Variants in ATP10B observed in about 807,000 individuals in gnomAD.
ATP10B encodes phospholipid-transporting ATPase VB.
In ATP10B, 122 loss-of-function variants were observed where a neutral mutation model predicts 141.2. The ratio of observed to expected loss-of-function variants is 0.86; its 90% CI spans 0.75 to 1.00. The LOEUF is 1.00. ATP10B is among the 50% of genes least tolerant of loss of function. The probability of loss-of-function intolerance (pLI) is 0.00; values close to 1 mark genes in which losing one functional copy is unlikely to be tolerated. For missense variants in ATP10B, 1,876 were observed against 1,825.3 expected, an observed-to-expected ratio of 1.03 and a Z score of -0.51; for synonymous variants, 685 against 692.0, an observed-to-expected ratio of 0.99 and a Z score of 0.16.
chr5:160,749,725 A>G (rs546499887), intron 2 of ATP10B, among the ~76,000 whole-genome samples: 1 of 152,326 alleles, frequency 6.6e-6, no homozygotes, highest in East Asian at 1.9e-4. Flanking sequence ...GCTGTGGACC[A>G]CTAGAAGATG....
At chr5:160,709,138 T>TGC (rs1765201357) in intron 3 of ATP10B, among the ~76,000 whole-genome samples, 1 of 152,308 alleles carries the variant, frequency 6.6e-6, no homozygotes, top group East Asian at 1.9e-4. Context: ...ATTAAAGACC[T>TGC]GCCTCATTGA....
intron 1 of ATP10B, among the ~76,000 whole-genome samples, chr5:160,817,370 G>C (rs1183334089): frequency 2.0e-5 from 3 of 152,092 alleles, no homozygotes; most frequent in Middle Eastern, 3.2e-3. Context: ...GACAAACAGA[G>C]AGCCAAATCA....
intron 23 of ATP10B, among the ~76,000 whole-genome samples, chr5:160,590,633 A>G (rs1756227276): frequency 6.6e-6 from 1 of 152,206 alleles, no homozygotes; most frequent in Non-Finnish European, 1.5e-5. Flanking sequence ...CTTGACCTTC[A>G]AAGCACAAGT....
the ATP10B span, among the ~76,000 whole-genome samples, chr5:160,869,537 T>C: frequency 6.6e-6 from 1 of 152,160 alleles, no homozygotes; most frequent in East Asian, 1.9e-4. Flanking sequence ...CCTGCACTTC[T>C]GGCTTCCAAT....
chr5:160,728,952 G>T (rs530963527), intron 2 of ATP10B, among the ~76,000 whole-genome samples: 1 of 152,308 alleles, frequency 6.6e-6, no homozygotes, highest in Non-Finnish European at 1.5e-5. Flanking sequence ...GCCTGGGAAT[G>T]GTGGTTTGTT....
intron 1 of ATP10B, among the ~76,000 whole-genome samples, chr5:160,809,177 G>C (rs1006147345): frequency 3.9e-5 from 6 of 152,158 alleles, no homozygotes; most frequent in African/African-American, 1.4e-4. Context: ...ATAGGCACTA[G>C]TTGTTCTCTG....
intron 2 of ATP10B, among the ~76,000 whole-genome samples, chr5:160,782,687 G>T (rs1770804155): frequency 1.3e-5 from 2 of 152,042 alleles, no homozygotes; most frequent in South Asian, 2.1e-4. Flanking sequence ...AAATAGTGAT[G>T]ATATAGCTAA....
chr5:160,890,725 A>G, the ATP10B span, among the ~76,000 whole-genome samples: 17 of 149,598 alleles, frequency 1.1e-4, no homozygotes, highest in African/African-American at 3.9e-4. Flanking sequence ...TTTCTCTTTT[A>G]TCTTTTAGAG....
At chr5:160,675,270 G>T (rs187356991) in intron 6 of ATP10B, among the ~76,000 whole-genome samples, 6 of 149,614 alleles carry the variant, frequency 4.0e-5, no homozygotes, top group East Asian at 1.9e-4. Context: ...TTAGTTTTAT[G>T]CCATGTTCAC....
chr5:160,760,250 C>T (rs1768937010), intron 2 of ATP10B, among the ~76,000 whole-genome samples: 2 of 152,294 alleles, frequency 1.3e-5, no homozygotes, highest in East Asian at 1.9e-4. Flanking sequence ...AGGCTTGTAG[C>T]TCAGCAAAAG....
At chr5:160,637,129 T>TATCC (rs35749013) in intron 10 of ATP10B, among the ~76,000 whole-genome samples, 103,825 of 146,172 alleles carry the variant, frequency 0.71, 37,971 homozygotes, top group Non-Finnish European at 0.81. Flanking sequence ...TCTATCCATC[T>TATCC]ATCCATCCAT....
the ATP10B span, among the ~76,000 whole-genome samples, chr5:160,919,327 C>T: frequency 3.0e-4 from 45 of 150,636 alleles, no homozygotes; most frequent in African/African-American, 9.8e-4. Context: ...TTTACTGGGG[C>T]ATCTGCTTTG....
At chr5:160,874,193 C>T in the ATP10B span, among the ~76,000 whole-genome samples, 302 of 152,234 alleles carry the variant, frequency 2.0e-3, 2 homozygotes, top group African/African-American at 6.7e-3. Context: ...GATCTGAGAA[C>T]GGGCAGACTG....
At position 160,613,462 on chromosome 5, in the gene ATP10B, G is replaced by A. The variant is rs183593721; in HGVS notation, c.2654-537C>T. Among the ~76,000 whole-genome samples, 281 of 152,330 alleles carry A rather than the reference G, an allele frequency of 1.8e-3. 2 individuals are homozygous for A. Among genetic ancestry groups the A allele is most frequent in the African/African-American group, 6.5e-3 (269 of 41,578 alleles). On this transcript the variant is annotated intron_variant, in intron 17 of 25. Transcript: ENST00000327245. ...TTTGGTGGTAGTGAAAGTTATTCAA[G>A]GGTGTTGTGCTGGGGAGTGATAGAA...
chr5:160,818,854 A>G (rs1437013250), intron 1 of ATP10B, among the ~76,000 whole-genome samples: 3 of 152,236 alleles, frequency 2.0e-5, no homozygotes, highest in African/African-American at 7.2e-5. Flanking sequence ...TGGTAGGGAC[A>G]TGGATGAAGC....
At chr5:160,638,644 G>C (rs561321528) in intron 10 of ATP10B, among the ~76,000 whole-genome samples, 14 of 152,300 alleles carry the variant, frequency 9.2e-5, no homozygotes, top group Non-Finnish European at 1.9e-4. Context: ...GGCACACAAA[G>C]TCTCTCTGAG....
At chr5:160,830,844 G>A (rs865839498) in intron 1 of ATP10B, among the ~76,000 whole-genome samples, 7 of 151,856 alleles carry the variant, frequency 4.6e-5, no homozygotes, top group Admixed American at 1.3e-4. Context: ...CTTCAACCTC[G>A]GACTCTTATT....
At chr5:160,755,841 ATATATATATATATATATATATAT>A (rs1768544874) in intron 2 of ATP10B, among the ~76,000 whole-genome samples, 1 of 30,946 alleles carries the variant, frequency 3.2e-5, no homozygotes, top group Non-Finnish European at 5.4e-5. Context: ...AAAAAAAAAT[ATATATATATATATATATATATAT>A]ATATATATAT....
intron 3 of ATP10B, among the ~76,000 whole-genome samples, chr5:160,707,456 G>A (rs926437107): frequency 2.0e-5 from 3 of 152,090 alleles, no homozygotes; most frequent in African/African-American, 7.2e-5. Flanking sequence ...GATGCTGAAG[G>A]GACTCTCTGG....
Sources: gnomAD v4.1 joint callset for allele counts (sites outside exome capture counted in the v4.1 genomes callset) on GRCh38, gnomAD v4.1.1 for gene constraint, MANE v1.5 for transcripts, NCBI Gene and HGNC (gene_info 2026-07-23, HGNC 2026-07-21) for gene names.